The following NLRP4 variants were observed in gnomAD, a reference collection of about 807,000 sequenced individuals.
The protein encoded by NLRP4 is NACHT, LRR and PYD domains-containing protein 4.
In NLRP4, 44 loss-of-function variants were observed where a neutral mutation model predicts 84.7. The ratio of observed to expected loss-of-function variants is 0.52; its 90% confidence interval spans 0.41 to 0.67. The LOEUF (loss-of-function observed/expected upper bound fraction) is 0.67, where lower values mean the gene tolerates loss of function less well. NLRP4 is among the 30% of genes least tolerant of loss of function. The probability of loss-of-function intolerance (pLI) is 0.00; values close to 1 mark genes in which losing one functional copy is unlikely to be tolerated. For synonymous variants in NLRP4, 544 were observed against 476.4 expected (o/e 1.14, Z -1.85); for missense variants, 1,260 against 1,219.4 (o/e 1.03, Z -0.50).
intron 1 of NLRP4, among the ~76,000 whole-genome samples, chr19:55,841,803 T>C (rs1568654154): frequency 6.6e-6 from 1 of 152,096 alleles, no homozygotes; most frequent in East Asian, 1.9e-4. Flanking sequence ...AGGCAGAGGT[T>C]GCAGTGAGCC....
intron 3 of NLRP4, among the ~76,000 whole-genome samples, chr19:55,860,849 G>A (rs558811583): frequency 1.5e-4 from 23 of 152,226 alleles, no homozygotes; most frequent in Non-Finnish European, 2.9e-4. Context: ...ATGGTGGCAC[G>A]CACCTATTAT....
At chr19:55,844,177 ATTAAC>A (rs1031571569) in intron 1 of NLRP4, among the ~76,000 whole-genome samples, 12 of 152,088 alleles carry the variant, frequency 7.9e-5, no homozygotes, top group Admixed American at 3.3e-4. Flanking sequence ...ATTCCTCTCT[ATTAAC>A]TTCTACTTGC....
chr19:55,861,909 A>G (rs1001784190), intron 4 of NLRP4, 83 bp from the exon 5 acceptor site: 1 of 932,652 alleles, frequency 1.1e-6, no homozygotes. Context: ...TGAGTTCATG[A>G]TGGATGATGA....
At position 55,876,777 on chromosome 19, in the gene NLRP4, A is replaced by G. The variant is rs923643545; in HGVS notation, c.2526-219A>G. On this transcript the variant is annotated intron_variant, in intron 7 of 9. Coordinates refer to ENST00000301295, the MANE Select transcript of NLRP4 (RefSeq NM_134444.5). ...GTTGTGTGAACAGTTGTTATACTCTATTGGTTTTTTCGTTTGTATTTTTTA... is the reference window on the plus strand; with the variant it reads ...GTTGTGTGAACAGTTGTTATACTCTGTTGGTTTTTTCGTTTGTATTTTTTA... Among the ~76,000 whole-genome samples the G allele has an allele frequency of 5.3e-5, 8 of 151,910 alleles. No homozygotes were observed. In the South Asian group the frequency reaches 1.7e-3, roughly 32 times the overall value.
At chr19:55,866,481 T>G (rs768095048) in intron 5 of NLRP4, among the ~76,000 whole-genome samples, 2 of 152,218 alleles carry the variant, frequency 1.3e-5, no homozygotes, top group Non-Finnish European at 2.9e-5. Flanking sequence ...TTCATCTTTA[T>G]TCTGTTGTCT....
intron 7 of NLRP4, among the ~76,000 whole-genome samples, chr19:55,873,907 C>T (rs1985279513): frequency 6.6e-6 from 1 of 151,710 alleles, no homozygotes; most frequent in South Asian, 2.1e-4. Context: ...TTGCAACAAA[C>T]TCAGATGGAG....
chr19:55,839,012 G>C (rs1983503975), intron 1 of NLRP4, among the ~76,000 whole-genome samples: 1 of 151,242 alleles, frequency 6.6e-6, no homozygotes, highest in Non-Finnish European at 1.5e-5. Flanking sequence ...TGAATGTGCA[G>C]GTTTGTTACA....
chr19:55,841,397 G>A (rs1002606966), intron 1 of NLRP4, among the ~76,000 whole-genome samples: 4 of 152,032 alleles, frequency 2.6e-5, no homozygotes, highest in African/African-American at 9.7e-5. Context: ...TTCTTTCTGT[G>A]CCTGCCTTAT....
rs879820283 is a variant in NLRP4, at chr19:55,849,842, TAATTTCC to T, written c.-65-2173_-65-2167del. On this transcript the variant is annotated intron_variant, in intron 1 of 9. Transcript: ENST00000301295. ...CGGTGTAATTTCCGAAGCTGCGGTG[TAATTTCC>T]GAGACTGCGGTGTAATTTCCGTGGC... Among the ~76,000 whole-genome samples, 1,068 of 149,012 alleles carry T rather than the reference TAATTTCC, an allele frequency of 7.2e-3. 70 individuals carry two copies. The highest frequency in any genetic ancestry group is 0.063 in the Admixed American group (947 of 15,040).
intron 9 of NLRP4, among the ~76,000 whole-genome samples, chr19:55,880,627 T>C (rs1985549799): frequency 6.6e-6 from 1 of 152,166 alleles, no homozygotes; most frequent in African/African-American, 2.4e-5. Flanking sequence ...GAACATAGCT[T>C]ACCCCAACAG....
intron 1 of NLRP4, among the ~76,000 whole-genome samples, chr19:55,842,487 A>G (rs1399423963): frequency 6.6e-6 from 1 of 151,580 alleles, no homozygotes; most frequent in Non-Finnish European, 1.5e-5. Context: ...TACTTCTGTC[A>G]TCTTCCCAGA....
intron 1 of NLRP4, among the ~76,000 whole-genome samples, chr19:55,847,807 C>T (rs139710958): frequency 1.0e-3 from 154 of 151,550 alleles, no homozygotes; most frequent in African/African-American, 3.4e-3. Context: ...CTCTGCCTCC[C>T]GGGTTCAAGT....
intron 2 of NLRP4, among the ~76,000 whole-genome samples, chr19:55,853,479 A>T (rs1984250618): frequency 6.6e-6 from 1 of 152,134 alleles, no homozygotes; most frequent in Non-Finnish European, 1.5e-5. Flanking sequence ...TGCAGCCTCA[A>T]CTTCCTGGGC....
chr19:55,863,991 A>T lies in NLRP4; in HGVS notation c.2186+1832A>T, dbSNP rs373447772. Reference sequence around the variant, plus strand: ...ATCAACCGAACACAAAAAGACCCAAACCCTTTTTTAAAAAATAACAACTTT... The same window carrying T: ...ATCAACCGAACACAAAAAGACCCAATCCCTTTTTTAAAAAATAACAACTTT... On this transcript the variant is annotated intron_variant, in intron 5 of 9. Transcript: ENST00000301295. Among the ~76,000 whole-genome samples the T allele has an allele frequency of 2.6e-5, 4 of 152,264 alleles. No individual in the cohort carries two copies. In the East Asian group the frequency reaches 7.7e-4, roughly 29 times the overall value.
chr19:55,879,371 A>G (rs1985501537), intron 9 of NLRP4, among the ~76,000 whole-genome samples: 2 of 152,178 alleles, frequency 1.3e-5, no homozygotes, highest in South Asian at 4.1e-4. Flanking sequence ...CCATGGTGAA[A>G]TGCAGAGGGT....
intron 1 of NLRP4, among the ~76,000 whole-genome samples, chr19:55,842,555 C>A (rs1983652043): frequency 6.6e-6 from 1 of 151,646 alleles, no homozygotes; most frequent in Non-Finnish European, 1.5e-5. Context: ...TACGTGCCAG[C>A]TGTGATAAAT....
rs114982363 is a variant in NLRP4, at chr19:55,877,891, G to A, written c.2696+725G>A. Among the ~76,000 whole-genome samples the A allele has an allele frequency of 8.0e-4, 122 of 152,258 alleles. 1 individual carries two copies. The highest frequency in any genetic ancestry group is 2.9e-3 in the African/African-American group (122 of 41,548). On this transcript the variant is annotated intron_variant, in intron 8 of 9. Coordinates refer to ENST00000301295, the MANE Select transcript of NLRP4 (RefSeq NM_134444.5). ...TATCCAAATATGATCACATTTTGGG[G>A]TACTGGGGTTTAGGACTTCAACGTA...
At chr19:55,852,860 C>A (rs1285446504) in intron 2 of NLRP4, among the ~76,000 whole-genome samples, 1 of 152,182 alleles carries the variant, frequency 6.6e-6, no homozygotes, top group Non-Finnish European at 1.5e-5. Flanking sequence ...CTATTATGTC[C>A]TAACCTGTAT....
chr19:55,870,125 G>A (rs1301512318), intron 6 of NLRP4, among the ~76,000 whole-genome samples: 1 of 151,882 alleles, frequency 6.6e-6, no homozygotes, highest in African/African-American at 2.4e-5. Flanking sequence ...TGAACCTACT[G>A]TGATTTTAAA....
Sources: allele counts gnomAD v4.1 joint callset (sites outside exome capture counted in the v4.1 genomes callset), GRCh38; gene constraint gnomAD v4.1.1; transcripts MANE v1.5; gene names NCBI Gene and HGNC (gene_info 2026-07-23, HGNC 2026-07-21).